Variants in F8 observed in about 807,000 individuals in gnomAD.
F8 encodes coagulation factor VIII.
In F8, 12 loss-of-function variants were observed where a neutral mutation model predicts 140.6. The observed-to-expected ratio is 0.09, with a 90% CI of 0.05 to 0.14. The LOEUF is 0.14. F8 is among the 10% of genes least tolerant of loss of function. F8 has a pLI of 1.00. For missense variants in F8, 1,354 were observed against 1,720.7 expected, an observed-to-expected ratio of 0.79 and a Z score of 3.77; for synonymous variants, 585 against 614.6, an observed-to-expected ratio of 0.95 and a Z score of 0.71.
chrX:154,872,932 A>C (rs1230539000), intron 22 of F8, among the ~76,000 whole-genome samples: 1 of 111,624 alleles, frequency 9.0e-6, no homozygotes, highest in East Asian at 2.8e-4. Flanking sequence ...TCTTATTTAC[A>C]ATAGCAACAA....
chrX:154,876,804 G>A (rs1202296126), intron 22 of F8, among the ~76,000 whole-genome samples: 4 of 111,254 alleles, frequency 3.6e-5, no homozygotes, highest in Non-Finnish European at 7.5e-5. Flanking sequence ...TACCTGTTTC[G>A]TCTAGCTACC....
At position 154,908,777 on chromosome X, in the gene F8, CT is replaced by C. The variant is rs1557276519; in HGVS notation, c.5220-2205del. On this transcript the variant is annotated intron_variant, in intron 14 of 25. Transcript: ENST00000360256. Reference sequence around the variant, plus strand: ...GACACACTCAAACTTAACTTTCCCCCTGGTCAGGACTCTCCTAGAAAGTGGC... The same window carrying C: ...GACACACTCAAACTTAACTTTCCCCCGGTCAGGACTCTCCTAGAAAGTGGC... 4 of 112,174 alleles carry C rather than the reference CT, an allele frequency of 3.6e-5. No individual in the cohort carries two copies. The South Asian group carries it at 1.1e-3, about 31-fold the overall frequency. 9.2% of individuals were successfully genotyped at this position (112,174 alleles called of 1,213,427 possible). A position where few individuals can be genotyped will look rare whatever the true frequency, so the allele number is the denominator to read the frequency against.
intron 22 of F8, among the ~76,000 whole-genome samples, chrX:154,892,177 T>C: frequency 8.9e-6 from 1 of 112,515 alleles, no homozygotes; most frequent in Non-Finnish European, 1.9e-5. Context: ...CTGCAACTTA[T>C]GCTCAGCCCC....
chrX:154,839,949 CTGAGAT>C (rs2072507679), intron 25 of F8, among the ~76,000 whole-genome samples: 1 of 112,131 alleles, frequency 8.9e-6, no homozygotes, highest in Admixed American at 9.4e-5. Context: ...GGTCCCTGTT[CTGAGAT>C]TATTTTACAA....
intron 22 of F8, among the ~76,000 whole-genome samples, chrX:154,876,846 G>A (rs2072820232): frequency 9.0e-6 from 1 of 111,115 alleles, no homozygotes; most frequent in African/African-American, 3.3e-5. Context: ...CAGCTCTTGG[G>A]GGCCTGAATT....
At position 155,022,519 on chromosome X, in the gene F8, A is replaced by G. The variant is rs1557287605; in HGVS notation, c.34T>C (p.Cys12Arg). The G allele has an allele frequency of 8.3e-7, 1 of 1,211,925 alleles. No homozygotes were observed. Among genetic ancestry groups the G allele is most frequent in the Admixed American group, 2.2e-5 (1 of 46,069 alleles). The change falls in exon 1 of 26, where the codon TGC becomes CGC. Residue 12 changes from cysteine (C) to arginine (R), a missense_variant. Around this residue, in one of 4 missense-constraint regions of F8, gnomAD observed 128 missense variants for 230.4 expected, o/e 0.56. Coordinates refer to ENST00000360256, the MANE Select transcript of F8 (RefSeq NM_000132.4). ...QIELSTCFFL[C>R]LLRFCFSATR... is the part of the protein sequence containing the mutation. ...GCACTAAAGCAGAATCGCAAAAGGC[A>G]CAGAAAGAAGCAGGTGGAGAGCTCT...
At chrX:154,911,563 T>A (rs782075840) in intron 14 of F8, among the ~76,000 whole-genome samples, 3 of 111,910 alleles carry the variant, frequency 2.7e-5, no homozygotes, top group African/African-American at 6.5e-5. Context: ...TGAGTAATAG[T>A]CTATTGTGTA....
chrX:155,012,884 C>T (rs144512669), intron 1 of F8, among the ~76,000 whole-genome samples: 5,124 of 110,145 alleles, frequency 0.047, 304 homozygotes, highest in African/African-American at 0.16. Context: ...CGGTGGCTCA[C>T]GCTTGTAATC....
At chrX:154,960,004 C>T (rs2073387890) in intron 10 of F8, among the ~76,000 whole-genome samples, 1 of 111,712 alleles carries the variant, frequency 9.0e-6, no homozygotes, top group African/African-American at 3.2e-5. Flanking sequence ...AAAGGAATGG[C>T]TAGCAGCAGT....
At chrX:154,871,460 T>C (rs1175463960) in intron 22 of F8, among the ~76,000 whole-genome samples, 2 of 112,257 alleles carry the variant, frequency 1.8e-5, no homozygotes, top group African/African-American at 6.5e-5. Context: ...GATTCCCTAT[T>C]TAATAAATGG....
At chrX:155,002,437 G>A (rs1393590748) in intron 1 of F8, among the ~76,000 whole-genome samples, 1 of 111,754 alleles carries the variant, frequency 8.9e-6, no homozygotes, top group Non-Finnish European at 1.9e-5. Context: ...TCTCACCAAT[G>A]TGGGTGGGCA....
At chrX:154,969,915 C>T (rs192941220) in intron 6 of F8, among the ~76,000 whole-genome samples, 128 of 111,839 alleles carry the variant, frequency 1.1e-3, no homozygotes, top group Non-Finnish European at 1.1e-3. Flanking sequence ...TCTGGAACTC[C>T]AGGCTCATAC....
chrX:154,999,142 A>T (rs892119708), intron 2 of F8, among the ~76,000 whole-genome samples: 18 of 111,139 alleles, frequency 1.6e-4, no homozygotes, highest in African/African-American at 5.2e-4. Flanking sequence ...ACAAGTTCTA[A>T]ATCGATAGGC....
chrX:154,975,007 C>CT (rs782711193), intron 6 of F8, among the ~76,000 whole-genome samples: 43 of 110,758 alleles, frequency 3.9e-4, no homozygotes, highest in Non-Finnish European at 4.9e-4. Context: ...AGTTTATTGA[C>CT]TTTTTTTTAT....
intron 9 of F8, 76 bp from the exon 10 acceptor site, chrX:154,961,244 G>C (rs1569559839): frequency 1.5e-6 from 1 of 666,986 alleles, no homozygotes; most frequent in East Asian, 3.4e-5. Context: ...TCTAACTCCA[G>C]ATAAATAAAA....
rs892840338 is a variant in F8, at chrX:155,006,012, T to C, written c.144-6412A>G. On this transcript the variant is annotated intron_variant, in intron 1 of 25. Transcript: ENST00000360256. ...ATCCCCCTCCTATAAACTTTCTGCA[T>C]GCAAGAAAAAAAAGAGAGAAAAAAG... 3.6e-5 allele frequency among the ~76,000 whole-genome samples: 4 copies of C among 111,049 alleles called. No homozygotes were observed. The South Asian group carries it at 1.1e-3, about 32-fold the overall frequency.
At chrX:154,860,398 C>T (rs372502385) in intron 25 of F8, 34 bp downstream of exon 25, 114 of 1,145,438 alleles carry the variant, frequency 1.0e-4, no homozygotes, top group Admixed American at 6.7e-4. Context: ...TATTTTTTTT[C>T]TTTCTTTCTT....
intron 25 of F8, among the ~76,000 whole-genome samples, chrX:154,838,985 C>T (rs58952838): frequency 0.012 from 1,106 of 92,469 alleles, 22 homozygotes; most frequent in African/African-American, 0.042. Flanking sequence ...CCACCTTGGC[C>T]CCCTTACTCT....
intron 25 of F8, among the ~76,000 whole-genome samples, chrX:154,846,360 A>T (rs781832547): frequency 2.7e-5 from 3 of 111,161 alleles, no homozygotes; most frequent in Non-Finnish European, 5.7e-5. Context: ...GTCTCGTTGA[A>T]CTGTCTAATG....
Sources: gnomAD v4.1 joint callset for allele counts (sites outside exome capture counted in the v4.1 genomes callset) on GRCh38, gnomAD v4.1.1 for gene constraint, gnomAD v4.1.1 regional missense constraint, MANE v1.5 for transcripts, NCBI Gene and HGNC (gene_info 2026-07-23, HGNC 2026-07-21) for gene names.